CLEC16A: variants seen among roughly 807,000 people sequenced by gnomAD.
The protein encoded by CLEC16A is protein CLEC16A.
Under a neutral mutation model 109.5 loss-of-function variants are expected in CLEC16A, and 51 were observed. The observed-to-expected ratio is 0.47, with a 90% CI of 0.37 to 0.59. The LOEUF is 0.59. Among genes scored for constraint, CLEC16A ranks in the 20% least tolerant of loss-of-function variants. CLEC16A has a pLI of 0.00. For synonymous variants in CLEC16A, 673 were observed against 564.2 expected (o/e 1.19, Z -2.73); for missense variants, 1,339 against 1,394.0 (o/e 0.96, Z 0.63).
rs768769569 is a variant in CLEC16A, at chr16:11,003,251, G to A, written c.1249G>A (p.Ala417Thr). Residue 417 changes from alanine (A) to threonine (T), a missense_variant, in exon 11 of 24, where the codon GCT becomes ACT. Ala to Thr is a moderately conservative substitution (Grantham distance 58). Transcript: ENST00000409790. ...TEDAQEDAEK[A>T]KGTEGGSKGI... ...GGATGCCCAAGAAGACGCCGAGAAG[G>A]CTAAAGGTACAGAGGGTGGTTCAAA... 2 of 1,612,998 alleles carry A rather than the reference G, an allele frequency of 1.2e-6. No individual in the cohort carries two copies. The highest frequency in any genetic ancestry group is 1.7e-5 in the Admixed American group (1 of 60,020).
intron 19 of CLEC16A, among the ~76,000 whole-genome samples, chr16:11,108,177 G>A (rs527350957): frequency 2.0e-4 from 30 of 152,256 alleles, no homozygotes; most frequent in Non-Finnish European, 3.8e-4. Context: ...CTGCTGACTG[G>A]TCTTGCTAAC....
chr16:11,110,964 T>TA (rs2051546602), intron 19 of CLEC16A, among the ~76,000 whole-genome samples: 2 of 152,192 alleles, frequency 1.3e-5, no homozygotes, highest in Non-Finnish European at 2.9e-5. Context: ...CCCAGCATCT[T>TA]AAAGTTGTGT....
chr16:11,155,152 A>G (rs907449201), intron 22 of CLEC16A, among the ~76,000 whole-genome samples: 2 of 152,110 alleles, frequency 1.3e-5, no homozygotes, highest in African/African-American at 4.8e-5. Context: ...AATCCCAGTT[A>G]TTGCCTCATT....
chr16:10,971,495 G>C (rs1479487938), intron 5 of CLEC16A: 1 of 963,160 alleles, frequency 1.0e-6, no homozygotes, highest in Non-Finnish European at 1.2e-6. Flanking sequence ...GTGGGATTCA[G>C]AGTGGCTATG....
chr16:11,011,146 G>A (rs1347507987), intron 11 of CLEC16A, among the ~76,000 whole-genome samples: 2 of 152,138 alleles, frequency 1.3e-5, no homozygotes, highest in East Asian at 3.8e-4. Context: ...AGACACTTTG[G>A]GATCATACAG....
In CLEC16A at chr16:11,140,414, T is replaced by C. The variant is rs186106969; in HGVS notation, c.2641+14268T>C. ...TTGACATTTACAAAGTCTTGGGCAT[T>C]TGGGGAGAAAAACGTTCTTTTTTTG... On this transcript the variant is annotated intron_variant, in intron 22 of 23. Transcript: ENST00000409790. Among the ~76,000 whole-genome samples the C allele has an allele frequency of 1.4e-3, 208 of 152,346 alleles. 1 individual carries two copies. The highest frequency in any genetic ancestry group is 4.4e-3 in the African/African-American group (184 of 41,572).
At chr16:11,158,942 C>T (rs1302483085) in intron 22 of CLEC16A, among the ~76,000 whole-genome samples, 1 of 150,966 alleles carries the variant, frequency 6.6e-6, no homozygotes, top group Non-Finnish European at 1.5e-5. Flanking sequence ...AAAACAGAGG[C>T]TGGAGACCCC....
intron 1 of CLEC16A, among the ~76,000 whole-genome samples, chr16:10,955,527 C>T (rs767922276): frequency 1.7e-4 from 26 of 152,038 alleles, no homozygotes; most frequent in Non-Finnish European, 3.1e-4. Flanking sequence ...AAGAGATGCC[C>T]GAGCTGGGTT....
intron 13 of CLEC16A, among the ~76,000 whole-genome samples, chr16:11,039,498 T>C (rs1350290246): frequency 6.6e-6 from 1 of 152,172 alleles, no homozygotes; most frequent in Non-Finnish European, 1.5e-5. Context: ...ACAGGCGCAG[T>C]GGCTCACAAC....
chr16:11,115,332 G>T (rs1000466662), intron 19 of CLEC16A, among the ~76,000 whole-genome samples: 4 of 152,194 alleles, frequency 2.6e-5, no homozygotes, highest in African/African-American at 7.2e-5. Context: ...TTTTTAAAGA[G>T]TATTTTTTAA....
chr16:11,085,722 G>C (rs1189198183), intron 19 of CLEC16A, among the ~76,000 whole-genome samples: 2 of 152,194 alleles, frequency 1.3e-5, no homozygotes, highest in African/African-American at 4.8e-5. Context: ...TATGTGAGTA[G>C]CTGGGACCAC....
Position 11,153,579 on chromosome 16 carries a change from T to C in CLEC16A, c.2642-12809T>C, listed in dbSNP as rs2054381147. On this transcript the variant is annotated intron_variant, in intron 22 of 23. Coordinates refer to ENST00000409790, the MANE Select transcript of CLEC16A (RefSeq NM_015226.3). The stretch of plus-strand genomic sequence containing the variant: ...ACTCTAAGTATACATACTAGATACG[T>C]TCCTTAAAAGTTGCCTGTAATGCAG... Among the ~76,000 whole-genome samples the C allele has an allele frequency of 4.0e-5, 6 of 149,812 alleles. No homozygotes were observed. The Admixed American group carries it at 4.0e-4, about 10-fold the overall frequency.
chr16:11,007,751 TAGTA>T (rs764748629), intron 11 of CLEC16A, among the ~76,000 whole-genome samples: 12 of 152,148 alleles, frequency 7.9e-5, no homozygotes, highest in Admixed American at 5.2e-4. Flanking sequence ...TTTCTACAGC[TAGTA>T]AGTGAGCTTA....
chr16:10,992,162 A>G (rs2044056887), intron 10 of CLEC16A, among the ~76,000 whole-genome samples: 1 of 152,130 alleles, frequency 6.6e-6, no homozygotes. Flanking sequence ...AAAAAATACA[A>G]TACCTTACTG....
At chr16:10,973,917 T>TTTTG in intron 7 of CLEC16A, among the ~76,000 whole-genome samples, 1 of 132,632 alleles carries the variant, frequency 7.5e-6, no homozygotes, top group African/African-American at 2.8e-5. Context: ...TTTTTTTTTT[T>TTTTG]GAGACAGAGT....
At chr16:11,163,941 G>C (rs572229218) in intron 22 of CLEC16A, among the ~76,000 whole-genome samples, 6 of 152,272 alleles carry the variant, frequency 3.9e-5, no homozygotes, top group African/African-American at 1.4e-4. Flanking sequence ...GTAAACTGGG[G>C]GGTTTACCGC....
intron 9 of CLEC16A, among the ~76,000 whole-genome samples, chr16:10,981,077 T>C (rs1297692676): frequency 1.3e-5 from 2 of 152,164 alleles, no homozygotes; most frequent in African/African-American, 4.8e-5. Context: ...TCACCCTCCC[T>C]CTTTTTTGGG....
chr16:11,166,484 G>C lies in CLEC16A; in HGVS notation c.2738G>C (p.Ser913Thr), dbSNP rs756499467. 1.2e-6 allele frequency: 2 copies of C among 1,608,044 alleles called. No individual in the cohort carries two copies. Among genetic ancestry groups the C allele is most frequent in the Non-Finnish European group, 1.7e-6 (2 of 1,179,614 alleles). ...AGCGGGAGCCCCAGCGGCAGCGGGAGCACCAGCCACTGCGACTCTGGAGGC... is the reference window on the plus strand; with the variant it reads ...AGCGGGAGCCCCAGCGGCAGCGGGACCACCAGCCACTGCGACTCTGGAGGC... ...SASGSPSGSG[S>T]TSHCDSGGTS... is the part of the protein sequence containing the mutation. The change falls in exon 23 of 24, where the codon AGC (serine) becomes ACC (threonine). Residue 913 changes from serine to threonine, a missense_variant. This residue lies in a region of CLEC16A where 1,061 missense variants were observed against 1,006.8 expected (regional missense o/e 1.05). Transcript: ENST00000409790.
chr16:10,997,073 T>G (rs1262329466), intron 10 of CLEC16A, among the ~76,000 whole-genome samples: 1 of 152,240 alleles, frequency 6.6e-6, no homozygotes, highest in African/African-American at 2.4e-5. Flanking sequence ...GTGATCTTCC[T>G]GCCTCAGCCT....
Sources: allele counts gnomAD v4.1 joint callset (sites outside exome capture counted in the v4.1 genomes callset), GRCh38; gene constraint gnomAD v4.1.1; regional missense constraint gnomAD v4.1.1; transcripts MANE v1.5; gene names NCBI Gene and HGNC (gene_info 2026-07-23, HGNC 2026-07-21).